Variants in NUCB1 observed in about 807,000 individuals in gnomAD.
NUCB1 encodes nucleobindin-1.
NUCB1 carries 47 observed loss-of-function variants against 61.2 expected under a neutral mutation model. That is an observed-to-expected ratio of 0.77 (90% CI 0.61 to 0.98). NUCB1 has a LOEUF of 0.98. NUCB1 is among the 50% of genes least tolerant of loss of function. NUCB1 has a pLI of 0.00. For synonymous variants in NUCB1, 234 were observed against 243.1 expected (o/e 0.96, Z 0.35); for missense variants, 583 against 605.3 (o/e 0.96, Z 0.39).
intron 4 of NUCB1, 121 bp from the exon 5 acceptor site, chr19:48,911,028 G>A (rs1490390059): frequency 8.9e-6 from 6 of 672,684 alleles, no homozygotes; most frequent in Non-Finnish European, 1.6e-5. Context: ...ATTGCCCCAG[G>A]TTCAAGCTGT....
rs1568586605 is a variant in NUCB1, at chr19:48,913,512, G to A, written c.705G>A (p.Leu235=). 1.2e-6 allele frequency: 2 copies of A among 1,614,184 alleles called. No individual in the cohort carries two copies. The highest frequency in any genetic ancestry group is 1.7e-6 in the Non-Finnish European group (2 of 1,180,020). Residue 235 remains leucine (L), a synonymous_variant, in exon 7 of 13, where the codon CTG becomes CTA. Transcript: ENST00000405315. ...QAQLKEVWEE[L]DGLDPNRFNP... ...AGTTGAAGGAGGTGTGGGAGGAGCT[G>A]GATGGACTGGACCCCAACAGGTTTA...
intron 7 of NUCB1, among the ~76,000 whole-genome samples, chr19:48,916,971 G>C (rs1024194006): frequency 7.2e-5 from 11 of 151,914 alleles, no homozygotes; most frequent in African/African-American, 2.7e-4. Flanking sequence ...TATAATCCCA[G>C]CACTTTGCGA....
intron 11 of NUCB1, 94 bp from the exon 12 acceptor site, chr19:48,921,733 G>C: frequency 1.7e-6 from 2 of 1,187,282 alleles, no homozygotes; most frequent in South Asian, 1.2e-5. Context: ...CACTTAGCAG[G>C]CTGCTGTGAA....
intron 9 of NUCB1, 21 bp from the exon 10 acceptor site, chr19:48,919,173 C>A (rs771680859): frequency 6.2e-7 from 1 of 1,613,770 alleles, no homozygotes. Context: ...CTCTGTCACT[C>A]ACCCTTATCT....
At chr19:48,917,214 C>A (rs1005899651) in intron 7 of NUCB1, among the ~76,000 whole-genome samples, 7 of 152,060 alleles carry the variant, frequency 4.6e-5, no homozygotes, top group African/African-American at 1.7e-4. Flanking sequence ...CAGAGTGAGA[C>A]CCTGTCTCTA....
chr19:48,901,464 A>G (rs1443278180), intron 2 of NUCB1, among the ~76,000 whole-genome samples: 3 of 152,172 alleles, frequency 2.0e-5, no homozygotes, highest in Non-Finnish European at 4.4e-5. Flanking sequence ...ATAGCTCCCC[A>G]TAAGGATAGG....
intron 7 of NUCB1, among the ~76,000 whole-genome samples, chr19:48,915,538 A>G (rs2037529828): frequency 6.6e-6 from 1 of 151,978 alleles, no homozygotes; most frequent in Non-Finnish European, 1.5e-5. Flanking sequence ...GAATTAGAAG[A>G]TTCTGTAATG....
At chr19:48,911,064 G>A (rs1456456808) in intron 4 of NUCB1, 85 bp from the exon 5 acceptor site, 2 of 995,072 alleles carry the variant, frequency 2.0e-6, no homozygotes, top group South Asian at 1.4e-5. Context: ...AGTGCTGTCC[G>A]TGACTTCTTT....
intron 3 of NUCB1, 34 bp from the exon 4 acceptor site, chr19:48,905,719 C>G (rs768610793): frequency 1.2e-6 from 2 of 1,612,778 alleles, no homozygotes; most frequent in African/African-American, 1.3e-5. Flanking sequence ...AGAGAGCAGG[C>G]CCCCAGGCTG....
intron 4 of NUCB1, 105 bp from the exon 5 acceptor site, chr19:48,911,044 G>T (rs1207752422): frequency 2.6e-6 from 2 of 766,254 alleles, no homozygotes; most frequent in Admixed American, 4.4e-5. Context: ...GCTGTCTTCT[G>T]GGCTTCCCTA....
chr19:48,918,999 A>C lies in NUCB1; in HGVS notation c.817-31A>C, dbSNP rs769008631. On this transcript the variant is annotated intron_variant, in intron 8 of 12. Coordinates refer to ENST00000405315, the MANE Select transcript of NUCB1 (RefSeq NM_006184.6). ...GGAATGAGCTCGCTGGGGACCTCTC[A>C]ATGCTGTCTGCCTCTCGCTTGCTCC... The C allele has an allele frequency of 2.5e-6, 4 of 1,602,438 alleles. No individual in the cohort carries two copies. The Admixed American group carries it at 5.0e-5, about 20-fold the overall frequency.
At chr19:48,918,664 C>T (rs760199608) in intron 7 of NUCB1, 62 bp from the exon 8 acceptor site, 1 of 1,418,082 alleles carries the variant, frequency 7.1e-7, no homozygotes, top group Non-Finnish European at 1.0e-6. Flanking sequence ...ATTTCTTCAC[C>T]AGGGACCTTA....
intron 3 of NUCB1, 72 bp downstream of exon 3, chr19:48,904,526 T>TA: frequency 6.8e-6 from 6 of 878,946 alleles, no homozygotes; most frequent in Non-Finnish European, 1.0e-5. Flanking sequence ...AGGACTGGTT[T>TA]CTTTTTTTTT....
intron 5 of NUCB1, 71 bp from the exon 6 acceptor site, chr19:48,912,940 T>G (rs2037492875): frequency 7.9e-7 from 1 of 1,270,886 alleles, no homozygotes; most frequent in South Asian, 1.5e-5. Flanking sequence ...GCCAAGGGCC[T>G]GCCATTTACA....
At position 48,911,209 on chromosome 19, in the gene NUCB1, A is replaced by G. The variant is rs2037467722; in HGVS notation, c.437A>G (p.Gln146Arg). ...TTTGAACACCTGGACCCTCAGAACC[A>G]GCATACATTCGAGGCCCGCGACCTG... is the stretch of plus-strand genomic sequence containing the variant. ...KQFEHLDPQN[Q>R]HTFEARDLEL... The change falls in exon 5 of 13, where the codon CAG (glutamine) becomes CGG (arginine). Residue 146 changes from glutamine to arginine, a missense_variant. Coordinates refer to ENST00000405315, the MANE Select transcript of NUCB1 (RefSeq NM_006184.6). The G allele has an allele frequency of 6.2e-7, 1 of 1,613,922 alleles. No homozygotes were observed. Among genetic ancestry groups the G allele is most frequent in the South Asian group, 1.1e-5 (1 of 91,076 alleles).
At position 48,913,113 on chromosome 19, in the gene NUCB1, GGA is replaced by G. The variant is rs2037496582; in HGVS notation, c.587_588del (p.Glu196GlyfsTer22). ...HERRRYLESL[G>X]EEQRKEAERK... ...GAGACGGCGTTATCTGGAGTCACTG[GGA>G]GAGGAGCAGAGAAAGGAGGCGGAGA... is the stretch of plus-strand genomic sequence containing the variant. On this transcript the variant is annotated frameshift_variant, in exon 6 of 13. Transcript: ENST00000405315. LOFTEE classifies it high-confidence loss of function. The G allele has an allele frequency of 6.2e-7, 1 of 1,613,774 alleles. No individual in the cohort carries two copies. Among genetic ancestry groups the G allele is most frequent in the Non-Finnish European group, 8.5e-7 (1 of 1,179,992 alleles).
At chr19:48,910,702 AAAG>A (rs924007297) in intron 4 of NUCB1, among the ~76,000 whole-genome samples, 2 of 151,820 alleles carry the variant, frequency 1.3e-5, no homozygotes, top group African/African-American at 4.8e-5. Context: ...GAAAAGAAAA[AAAG>A]AAATGGTTGA....
At position 48,913,560 on chromosome 19, in the gene NUCB1, G is replaced by A; in HGVS notation, c.753G>A (p.Leu251=). Reference sequence around the variant, plus strand: ...TTAACCCCAAGACCTTCTTCATACTGCATGGTAAGGTGGGGAGGGAGTTCC... The same window carrying A: ...TTAACCCCAAGACCTTCTTCATACTACATGGTAAGGTGGGGAGGGAGTTCC... ...NRFNPKTFFI[L]HDINSDGVLD... is the part of the protein sequence containing the mutation. The change falls in exon 7 of 13, where the codon CTG becomes CTA. Residue 251 remains leucine (L), a synonymous_variant. Coordinates refer to ENST00000405315, the MANE Select transcript of NUCB1 (RefSeq NM_006184.6). The A allele has an allele frequency of 2.5e-6, 4 of 1,612,850 alleles. No individual in the cohort carries two copies. The highest frequency in any genetic ancestry group is 1.1e-5 in the South Asian group (1 of 91,060).
chr19:48,905,148 A>G (rs1359152235), intron 3 of NUCB1, among the ~76,000 whole-genome samples: 4 of 152,172 alleles, frequency 2.6e-5, no homozygotes, highest in Non-Finnish European at 5.9e-5. Flanking sequence ...AGATGTGTAA[A>G]GGGTTTGGAA....
Sources: allele counts gnomAD v4.1 joint callset (sites outside exome capture counted in the v4.1 genomes callset), GRCh38; gene constraint gnomAD v4.1.1; transcripts MANE v1.5; gene names NCBI Gene and HGNC (gene_info 2026-07-23, HGNC 2026-07-21).